Variants in ZNF544 observed in about 807,000 individuals in gnomAD.
ZNF544 encodes the protein zinc finger protein 544.
A neutral mutation model predicts 13.5 loss-of-function variants in ZNF544; 10 were observed. The observed-to-expected ratio is 0.74, with a 90% confidence interval of 0.46 to 1.25. ZNF544 has a LOEUF of 1.25. Among genes scored for constraint, ZNF544 ranks in the 50% most tolerant of loss-of-function variants. The pLI is 0.00. For missense variants in ZNF544, 896 were observed against 845.6 expected, an observed-to-expected ratio of 1.06 and a Z score of -0.74; for synonymous variants, 323 against 300.5, an observed-to-expected ratio of 1.07 and a Z score of -0.77.
At chr19:58,266,212 C>CAA (rs760851818), downstream of ZNF544, among the ~76,000 whole-genome samples, 756 of 45,996 alleles carry the variant, frequency 0.016, 47 homozygotes, top group African/African-American at 0.044. Context: ...GACTCTGTCT[C>CAA]AAAAAAAAAA....
At position 58,274,887 on chromosome 19, in the gene ZNF544, T is replaced by C. The variant is rs2051098744; in HGVS notation, c.245-1436T>C. Among the ~76,000 whole-genome samples, 3 of 152,130 alleles carry C rather than the reference T, an allele frequency of 2.0e-5. No individual in the cohort carries two copies. The South Asian group carries it at 6.2e-4, about 32-fold the overall frequency. On this transcript the variant is annotated intron_variant, in intron 5 of 6. Transcript: ENST00000595981. ...ATGAGAGAGGAATAGCACTGGGTAG[T>C]CCAGGAGAATGGAAAAACCCAAACG...
intron 4 of ZNF544, among the ~76,000 whole-genome samples, chr19:58,244,820 T>G (rs1429834348): frequency 6.6e-6 from 1 of 152,124 alleles, no homozygotes; most frequent in Non-Finnish European, 1.5e-5. Flanking sequence ...CAAGAGATGC[T>G]TCAGCCTCGG....
chr19:58,245,938 A>C, intron 4 of ZNF544: 1 of 340,702 alleles, frequency 2.9e-6, no homozygotes, highest in South Asian at 2.3e-5. Flanking sequence ...TTGGGTTGCT[A>C]TAATAAGATA....
chr19:58,268,849 C>T (rs1401598355), downstream of ZNF544, among the ~76,000 whole-genome samples: 1 of 152,164 alleles, frequency 6.6e-6, no homozygotes, highest in African/African-American at 2.4e-5. Context: ...TGCCTGTGAG[C>T]ATGTTTACCA....
At chr19:58,244,678 C>G (rs140730382) in intron 4 of ZNF544, among the ~76,000 whole-genome samples, 2,077 of 149,904 alleles carry the variant, frequency 0.014, 52 homozygotes, top group African/African-American at 0.048. Flanking sequence ...TGGGCTCAAG[C>G]GATCCTCCCA....
At chr19:58,249,857 A>G (rs1358365828) in intron 6 of ZNF544, among the ~76,000 whole-genome samples, 1 of 152,166 alleles carries the variant, frequency 6.6e-6, no homozygotes, top group African/African-American at 2.4e-5. Flanking sequence ...ATGTCATTCA[A>G]GCTTTCCATA....
intron 1 of ZNF544, 60 bp downstream of exon 1, chr19:58,229,006 A>T (rs1330778622): frequency 6.6e-6 from 1 of 152,354 alleles, no homozygotes; most frequent in African/African-American, 2.4e-5. Context: ...GTGCGGCCGG[A>T]GCGCAGGACC....
rs531058674 is a variant in ZNF544, at chr19:58,275,374, CATT to C, written c.245-940_245-938del. 4.6e-3 allele frequency among the ~76,000 whole-genome samples: 701 copies of C among 152,202 alleles called. 17 individuals carry two copies. The highest frequency in any genetic ancestry group is 2.4e-3 in the Non-Finnish European group (165 of 68,018). On this transcript the variant is annotated intron_variant, in intron 5 of 6. Transcript: ENST00000595981. Reference sequence around the variant, plus strand: ...GCAACAAAAGAAAAAGCCAACATCTCATTATTATTATGAATTTAGTTTTGAACC... The same window carrying C: ...GCAACAAAAGAAAAAGCCAACATCTCATTATTATGAATTTAGTTTTGAACC...
intron 3 of ZNF544, among the ~76,000 whole-genome samples, chr19:58,243,193 G>A (rs1246715678): frequency 3.3e-5 from 5 of 152,058 alleles, no homozygotes; most frequent in Non-Finnish European, 5.9e-5. Context: ...GCACCATCAG[G>A]TCGAGTGAGC....
chr19:58,241,165 A>ATG (rs2043617687), intron 3 of ZNF544, among the ~76,000 whole-genome samples: 1 of 76,548 alleles, frequency 1.3e-5, no homozygotes, highest in Admixed American at 1.6e-4. Context: ...ATATTTAAAT[A>ATG]TATATATATA....
intron 5 of ZNF544, among the ~76,000 whole-genome samples, chr19:58,273,520 C>T (rs939703584): frequency 1.3e-5 from 2 of 151,716 alleles, no homozygotes; most frequent in African/African-American, 4.8e-5. Flanking sequence ...GAAACCCTGT[C>T]TCTACTAAAA....
chr19:58,261,725 A>G lies in ZNF544; in HGVS notation c.1119A>G (p.Thr373=). The G allele has an allele frequency of 6.2e-7, 1 of 1,614,236 alleles. No homozygotes were observed. The change falls in exon 7 of 7, where the codon ACA becomes ACG. Residue 373 remains threonine, a synonymous_variant. Transcript: ENST00000687789. The stretch of plus-strand genomic sequence containing the variant: ...GTTGTAAGCTCATACACCAGAGAAC[A>G]CACACTGGAGAAAAGCCCTTCGAAT... The part of the protein sequence containing the change: ...FSCCKLIHQR[T]HTGEKPFECT...
In ZNF544 at chr19:58,228,929, A is replaced by T. The variant is rs2040504127; in HGVS notation, c.-249A>T. On this transcript the variant is annotated 5_prime_UTR_variant, in exon 1 of 7. Transcript: ENST00000687789. ...TCCGCCGGCCACCGGAAGCACCGCCATTGGCCGGTGCGTGCAGGTGAGTCT... is the reference window on the plus strand; with the variant it reads ...TCCGCCGGCCACCGGAAGCACCGCCTTTGGCCGGTGCGTGCAGGTGAGTCT... 1 of 152,316 alleles carries T rather than the reference A, an allele frequency of 6.6e-6. No homozygotes were observed. Among genetic ancestry groups the T allele is most frequent in the Non-Finnish European group, 1.5e-5 (1 of 68,102 alleles). The allele number at this position is 152,316 out of a possible 1,614,324, so 9.4% of individuals were successfully genotyped here.
At position 58,275,149 on chromosome 19, in the gene ZNF544, G is replaced by C. The variant is rs113618182; in HGVS notation, c.245-1174G>C. 6.4e-4 allele frequency among the ~76,000 whole-genome samples: 97 copies of C among 152,166 alleles called. 2 individuals are homozygous for C. Among genetic ancestry groups the C allele is most frequent in the African/African-American group, 2.2e-3 (93 of 41,504 alleles). Reference sequence around the variant, plus strand: ...ACCCATAATTAAACACCCATAAAATGAGAAATGCAAACAATGTTGGGTGTG... The same window carrying C: ...ACCCATAATTAAACACCCATAAAATCAGAAATGCAAACAATGTTGGGTGTG... On this transcript the variant is annotated intron_variant, in intron 5 of 6. Transcript: ENST00000595981.
At chr19:58,264,991 G>A (rs1700872475), downstream of ZNF544, among the ~76,000 whole-genome samples, 1 of 152,150 alleles carries the variant, frequency 6.6e-6, no homozygotes, top group Admixed American at 6.6e-5. Context: ...CTCCAGCCTA[G>A]GCACCAGAGC....
At chr19:58,238,367 GGA>G (rs1453801507) in intron 3 of ZNF544, among the ~76,000 whole-genome samples, 1 of 152,134 alleles carries the variant, frequency 6.6e-6, no homozygotes, top group Non-Finnish European at 1.5e-5. Context: ...CGGCTTCCTG[GGA>G]GAGAGGAGAA....
Position 58,261,205 on chromosome 19 carries a change from T to G in ZNF544, c.599T>G (p.Phe200Cys). The G allele has an allele frequency of 6.2e-7, 1 of 1,614,152 alleles. No individual in the cohort carries two copies. The highest frequency in any genetic ancestry group is 2.2e-5 in the East Asian group (1 of 44,888). The change falls in exon 7 of 7, where the codon TTC becomes TGC. Residue 200 changes from phenylalanine (F) to cysteine (C), a missense_variant. Physicochemically the swap from Phe to Cys is radical, Grantham distance 205. Transcript: ENST00000687789. Reference protein sequence around the residue: ...QVKELKQNSAFINHEKNGADG... With the variant: ...QVKELKQNSACINHEKNGADG... The stretch of plus-strand genomic sequence containing the variant: ...AAAGAGTTGAAACAAAATTCAGCTT[T>G]CATTAATCATGAGAAAAATGGAGCA...
intron 6 of ZNF544, among the ~76,000 whole-genome samples, chr19:58,251,110 G>A (rs2046228251): frequency 6.6e-6 from 1 of 152,174 alleles, no homozygotes; most frequent in Non-Finnish European, 1.5e-5. Flanking sequence ...ATGCTGTCAG[G>A]AATGCTTGTT....
intron 3 of ZNF544, 72 bp from the exon 4 acceptor site, chr19:58,243,893 T>C: frequency 1.5e-6 from 2 of 1,306,942 alleles, no homozygotes; most frequent in Admixed American, 5.1e-5. Flanking sequence ...CCCCGCGTTC[T>C]CTAGGGTGGG....
Sources: allele counts gnomAD v4.1 joint callset (sites outside exome capture counted in the v4.1 genomes callset), GRCh38; gene constraint gnomAD v4.1.1; transcripts MANE v1.5; gene names NCBI Gene and HGNC (gene_info 2026-07-23, HGNC 2026-07-21).